ANGPTL5: variants seen among roughly 807,000 people sequenced by gnomAD.
The protein encoded by ANGPTL5 is angiopoietin like 5, also known as angiopoietin-related protein 5.
Under a neutral mutation model 39.4 loss-of-function variants are expected in ANGPTL5, and 34 were observed. The ratio of observed to expected loss-of-function variants is 0.86; its 90% CI spans 0.66 to 1.15. The LOEUF is 1.15. ANGPTL5 is among the 50% of genes most tolerant of loss of function. The pLI is 0.00. For missense variants in ANGPTL5, 467 were observed against 457.5 expected (o/e 1.02, Z -0.19); for synonymous variants, 146 against 152.1 (o/e 0.96, Z 0.29).
chr11:101,909,954 G>A (rs776095565), intron 1 of ANGPTL5, among the ~76,000 whole-genome samples: 8 of 152,148 alleles, frequency 5.3e-5, no homozygotes, highest in Admixed American at 1.3e-4. Flanking sequence ...CCTAGCTGTA[G>A]GCAATCACAT....
In ANGPTL5 at chr11:101,904,701, G is replaced by C. The variant is rs1302313838; in HGVS notation, c.439+113C>G. The C allele has an allele frequency of 6.6e-6, 6 of 914,098 alleles. No homozygotes were observed. The East Asian group carries it at 1.5e-4, about 23-fold the overall frequency. The allele number at this position is 914,098 out of a possible 1,614,324, so 56.6% of individuals were successfully genotyped here. On this transcript the variant is annotated intron_variant, in intron 5 of 8. Coordinates refer to ENST00000334289, the MANE Select transcript of ANGPTL5 (RefSeq NM_178127.5). ...CAGGTATTAGCCCTCCAGTCTGTTA[G>C]AGAACGGTGAGCTGTAGTTTTTAAA...
chr11:101,909,326 T>C (rs986977832), intron 1 of ANGPTL5, among the ~76,000 whole-genome samples: 2 of 152,312 alleles, frequency 1.3e-5, no homozygotes, highest in East Asian at 1.9e-4. Context: ...CAAGACCAGA[T>C]TGCCTGATTT....
chr11:101,897,188 T>C (rs1231462761), intron 7 of ANGPTL5, among the ~76,000 whole-genome samples: 2 of 152,236 alleles, frequency 1.3e-5, no homozygotes, highest in Non-Finnish European at 2.9e-5. Flanking sequence ...CTTTGCCCAC[T>C]TTTTGATGGG....
chr11:101,895,996 A>C (rs1056892989), intron 7 of ANGPTL5, among the ~76,000 whole-genome samples: 1 of 152,058 alleles, frequency 6.6e-6, no homozygotes, highest in African/African-American at 2.4e-5. Flanking sequence ...CTCACTTACA[A>C]TCGAAAAGTA....
intron 8 of ANGPTL5, among the ~76,000 whole-genome samples, chr11:101,891,840 G>T (rs1463139231): frequency 1.3e-5 from 2 of 152,076 alleles, no homozygotes; most frequent in African/African-American, 4.8e-5. Flanking sequence ...GTCCAAAATG[G>T]AGTTTTGCTG....
chr11:101,915,325 A>T, intron 1 of ANGPTL5: 1 of 1,613,930 alleles, frequency 6.2e-7, no homozygotes. Flanking sequence ...GCGGTCGGGG[A>T]ACTGGGCACT....
intron 7 of ANGPTL5, 82 bp from the exon 8 acceptor site, chr11:101,895,146 G>A (rs965384293): frequency 2.5e-6 from 3 of 1,222,170 alleles, no homozygotes; most frequent in Non-Finnish European, 3.4e-6. Flanking sequence ...GTCTTGTTTA[G>A]CATTTCAAAA....
rs1157511137 is a variant in ANGPTL5 at position 101,907,729 on chromosome 11, A to G, written c.96+85T>C. The G allele has an allele frequency of 5.4e-5, 47 of 869,116 alleles. No homozygotes were observed. In the East Asian group the frequency reaches 1.2e-3, roughly 21 times the overall value. 53.8% of individuals were successfully genotyped at this position (869,116 alleles called of 1,614,324 possible). On this transcript the variant is annotated intron_variant, in intron 2 of 8. Coordinates refer to ENST00000334289, the MANE Select transcript of ANGPTL5 (RefSeq NM_178127.5). ...GTTCCATAAATTATATTTGGTAGTTATGATTAATCTTTTCAAAATTCTAAT... is the reference window on the plus strand; with the variant it reads ...GTTCCATAAATTATATTTGGTAGTTGTGATTAATCTTTTCAAAATTCTAAT...
intron 4 of ANGPTL5, among the ~76,000 whole-genome samples, chr11:101,905,150 C>T (rs544817225): frequency 6.6e-6 from 1 of 152,292 alleles, no homozygotes; most frequent in Non-Finnish European, 1.5e-5. Context: ...CACATCTGCC[C>T]TTCATACCTT....
intron 1 of ANGPTL5, among the ~76,000 whole-genome samples, chr11:101,910,418 A>T (rs1490030106): frequency 2.3e-4 from 31 of 134,948 alleles, no homozygotes; most frequent in Admixed American, 1.6e-3. Context: ...CTCAAAAAAA[A>T]AAAAAAATAT....
chr11:101,913,104 C>T (rs1278603824), intron 1 of ANGPTL5, among the ~76,000 whole-genome samples: 4 of 152,188 alleles, frequency 2.6e-5, no homozygotes, highest in Non-Finnish European at 4.4e-5. Flanking sequence ...CCCTCTGTTC[C>T]ATAAGCCATA....
chr11:101,898,002 T>A (rs1939829679), intron 7 of ANGPTL5, among the ~76,000 whole-genome samples: 1 of 152,126 alleles, frequency 6.6e-6, no homozygotes, highest in South Asian at 2.1e-4. Context: ...GGCAGGTGGA[T>A]CACCTGAGGT....
intron 7 of ANGPTL5, among the ~76,000 whole-genome samples, chr11:101,899,181 C>T (rs1939850115): frequency 6.6e-6 from 1 of 152,194 alleles, no homozygotes; most frequent in Non-Finnish European, 1.5e-5. Flanking sequence ...GGAGGAGTCC[C>T]TCTTTTTCCT....
At chr11:101,907,748 T>G in intron 2 of ANGPTL5, 66 bp downstream of exon 2, 1 of 1,058,096 alleles carries the variant, frequency 9.5e-7, no homozygotes, top group African/African-American at 1.6e-5. Flanking sequence ...CTTTTCAAAA[T>G]TCTAATATAT....
chr11:101,900,754 A>G (rs1157705670), intron 6 of ANGPTL5, among the ~76,000 whole-genome samples: 2 of 152,224 alleles, frequency 1.3e-5, no homozygotes, highest in African/African-American at 2.4e-5. Flanking sequence ...ACCTGTAATT[A>G]ACCTAAATAA....
chr11:101,904,844 G>A lies in ANGPTL5; in HGVS notation c.409C>T (p.Pro137Ser). ...TTEVFRKQLD[P>S]FPHRPVQSHG... is the part of the protein sequence containing the mutation. ...GACTGAACAGGTCTGTGAGGAAAAG[G>A]ATCCAGCTGTTTTCTAAAAACTTCT... Residue 137 changes from proline (P) to serine (S), a missense_variant, in exon 5 of 9, where the codon CCT (proline) becomes TCT (serine). Physicochemically the swap from Pro to Ser is moderately conservative, Grantham distance 74 (BLOSUM62 -1). Coordinates refer to ENST00000334289, the MANE Select transcript of ANGPTL5 (RefSeq NM_178127.5). 6.2e-7 allele frequency: 1 copy of A among 1,613,648 alleles called. No individual in the cohort carries two copies.
chr11:101,911,063 A>G (rs1330718123), intron 1 of ANGPTL5, among the ~76,000 whole-genome samples: 3 of 89,004 alleles, frequency 3.4e-5, no homozygotes, highest in African/African-American at 8.2e-5. Flanking sequence ...TTCCCTTATT[A>G]TATGGTTTGG....
chr11:101,902,418 C>T (rs1939919843), intron 6 of ANGPTL5, among the ~76,000 whole-genome samples: 1 of 152,074 alleles, frequency 6.6e-6, no homozygotes, highest in African/African-American at 2.4e-5. Flanking sequence ...GAAAGACAGA[C>T]TCTAGCTCTT....
chr11:101,900,073 C>T (rs969350397), intron 7 of ANGPTL5, among the ~76,000 whole-genome samples: 2 of 152,272 alleles, frequency 1.3e-5, no homozygotes, highest in South Asian at 4.2e-4. Context: ...ATACAACACA[C>T]CTCTCAAGAA....
Sources: gnomAD v4.1 joint callset for allele counts (sites outside exome capture counted in the v4.1 genomes callset) on GRCh38, gnomAD v4.1.1 for gene constraint, MANE v1.5 for transcripts, NCBI Gene and HGNC (gene_info 2026-07-23, HGNC 2026-07-21) for gene names.